RNASEL: variants seen among roughly 807,000 people sequenced by gnomAD.
RNASEL encodes the protein 2-5A-dependent ribonuclease.
In RNASEL, 36 loss-of-function variants were observed where a neutral mutation model predicts 50.9. The ratio of observed to expected loss-of-function variants is 0.71; its 90% CI spans 0.54 to 0.93. The LOEUF (loss-of-function observed/expected upper bound fraction) is 0.93. Among genes scored for constraint, RNASEL ranks in the 40% least tolerant of loss-of-function variants. The pLI is 0.00. For missense variants in RNASEL, 860 were observed against 894.5 expected (o/e 0.96, Z 0.49); for synonymous variants, 335 against 335.6 (o/e 1.00, Z 0.02).
intron 5 of RNASEL, among the ~76,000 whole-genome samples, chr1:182,577,756 A>G (rs889094675): frequency 6.6e-6 from 1 of 152,222 alleles, no homozygotes; most frequent in African/African-American, 2.4e-5. Context: ...TAAGATAACC[A>G]AAACAGCACA....
intron 5 of RNASEL, chr1:182,576,737 G>T (rs1392563290): frequency 4.9e-6 from 1 of 203,272 alleles, no homozygotes; most frequent in East Asian, 1.4e-4. Context: ...GCCAGGCGTG[G>T]TGGCGCTGCC....
Position 182,575,428 on chromosome 1 carries a change from A to G in RNASEL, c.2190T>C (p.Ala730=), listed in dbSNP as rs1405039428. Residue 730 remains alanine (A), a synonymous_variant, in exon 7 of 7, where the codon GCT becomes GCC. Coordinates refer to ENST00000367559, the MANE Select transcript of RNASEL (RefSeq NM_021133.4). ...HSPNKPQCDG[A]GGASGLASPG... ...GGCTGGCCAACCCACTGGCCCCACC[A>G]GCTCCATCACACTGAGGCTTGTTTG... is the stretch of plus-strand genomic sequence containing the variant. 3.7e-6 allele frequency: 6 copies of G among 1,614,198 alleles called. No individual in the cohort carries two copies. In the South Asian group the frequency reaches 6.6e-5, roughly 18 times the overall value.
At chr1:182,578,438 A>C (rs903176428) in intron 5 of RNASEL, 1 of 152,226 alleles carries the variant, frequency 6.6e-6, no homozygotes, top group Non-Finnish European at 1.5e-5. Flanking sequence ...ATATCATCTT[A>C]TACTAGGGGC....
In RNASEL at chr1:182,575,559, C is replaced by G; in HGVS notation, c.2059G>C (p.Asp687His). 1 of 1,614,128 alleles carries G rather than the reference C, an allele frequency of 6.2e-7. No individual in the cohort carries two copies. Among genetic ancestry groups the G allele is most frequent in the Non-Finnish European group, 8.5e-7 (1 of 1,180,028 alleles). ...KHKKMKLKIG[D>H]PSLYFQKTFP... is the part of the protein sequence containing the mutation. The stretch of plus-strand genomic sequence containing the variant: ...GTCTTCTGAAAATACAGGGAAGGGT[C>G]TCCAATTTTTAATTTCATCCTGAAA... The change falls in exon 7 of 7, where the codon GAC becomes CAC. Residue 687 changes from aspartate to histidine, a missense_variant. Asp to His is a moderately conservative substitution (Grantham distance 81, BLOSUM62 -1). Transcript: ENST00000367559.
At chr1:182,581,643 G>A (rs768698270) in intron 4 of RNASEL, among the ~76,000 whole-genome samples, 27 of 151,430 alleles carry the variant, frequency 1.8e-4, no homozygotes, top group Non-Finnish European at 2.9e-4. Flanking sequence ...CACCACACTC[G>A]GCTAACTTTT....
chr1:182,586,596 T>C lies in RNASEL; in HGVS notation c.211A>G (p.Arg71Gly). 6.2e-7 allele frequency: 1 copy of C among 1,606,748 alleles called. No homozygotes were observed. The highest frequency in any genetic ancestry group is 8.5e-7 in the Non-Finnish European group (1 of 1,174,546). The change falls in exon 2 of 7, where the codon AGG becomes GGG. Residue 71 changes from arginine to glycine, a missense_variant. By Grantham distance (125) the Arg-to-Gly change is moderately radical (BLOSUM62 -2). Transcript: ENST00000367559. ...TPLHNAVQMSREDIVELLLRH... is the reference protein window; with the variant it reads ...TPLHNAVQMSGEDIVELLLRH... Reference sequence around the variant, plus strand: ...AGCAGAAGTTCCACAATGTCCTCCCTGCTCATTTGTACTGCGTTATGCAGA... The same window carrying C: ...AGCAGAAGTTCCACAATGTCCTCCCCGCTCATTTGTACTGCGTTATGCAGA...
At chr1:182,579,340 CATAGATGGCTCTCATA>C (rs1661448273) in intron 5 of RNASEL, 1 of 988,930 alleles carries the variant, frequency 1.0e-6, no homozygotes, top group African/African-American at 1.8e-5. Context: ...GATACAGAGC[CATAGATGGCTCTCATA>C]TTTAGAAAGA....
Position 182,582,237 on chromosome 1 carries a change from A to G in RNASEL, c.1588T>C (p.Tyr530His). 6.2e-7 allele frequency: 1 copy of G among 1,614,168 alleles called. No individual in the cohort carries two copies. Among genetic ancestry groups the G allele is most frequent in the Non-Finnish European group, 8.5e-7 (1 of 1,180,002 alleles). Reference sequence around the variant, plus strand: ...GAGATGCTTCCCTTCTTTACCACATAGAGGACCAGCCGTCCAAGGTCCTGC... The same window carrying G: ...GAGATGCTTCCCTTCTTTACCACATGGAGGACCAGCCGTCCAAGGTCCTGC... ...DLEDLGRLVL[Y>H]VVKKGSISFE... The change falls in exon 4 of 7, where the codon TAT becomes CAT. Residue 530 changes from tyrosine (Y) to histidine (H), a missense_variant. Tyr to His is a moderately conservative substitution (Grantham distance 83). Transcript: ENST00000367559.
At position 182,585,466 on chromosome 1, in the gene RNASEL, C is replaced by T. The variant is rs1661574270; in HGVS notation, c.1341G>A (p.Val447=). 1 of 1,614,056 alleles carries T rather than the reference C, an allele frequency of 6.2e-7. No individual in the cohort carries two copies. The highest frequency in any genetic ancestry group is 1.3e-5 in the African/African-American group (1 of 74,928). The change falls in exon 2 of 7, where the codon GTG becomes GTA. Residue 447 remains valine, a synonymous_variant. Transcript: ENST00000367559. ...CEQTLEACLD[V]HRGEDVENEE... is the part of the protein sequence containing the mutation. The stretch of plus-strand genomic sequence containing the variant: ...CATTTTCCACATCTTCCCCTCTGTG[C>T]ACATCCAAACACGCTTCCAGAGTCT...
rs777270662 is a variant in RNASEL at position 182,585,478 on chromosome 1, C to T, written c.1329G>A (p.Ala443=). Reference sequence around the variant, plus strand: ...CTTCCCCTCTGTGCACATCCAAACACGCTTCCAGAGTCTGCTCACAGAGGG... The same window carrying T: ...CTTCCCCTCTGTGCACATCCAAACATGCTTCCAGAGTCTGCTCACAGAGGG... ...CVTLCEQTLE[A]CLDVHRGEDV... Residue 443 remains alanine (A), a synonymous_variant, in exon 2 of 7, where the codon GCG becomes GCA. Coordinates refer to ENST00000367559, the MANE Select transcript of RNASEL (RefSeq NM_021133.4). 5.0e-5 allele frequency: 81 copies of T among 1,614,188 alleles called. No individual in the cohort carries two copies. Among genetic ancestry groups the T allele is most frequent in the Non-Finnish European group, 6.3e-5 (74 of 1,180,034 alleles).
At chr1:182,575,995 G>A (rs1375741093) in intron 6 of RNASEL, among the ~76,000 whole-genome samples, 2 of 152,184 alleles carry the variant, frequency 1.3e-5, no homozygotes, top group Non-Finnish European at 2.9e-5. Context: ...TTACTTCACA[G>A]AAGGGAGTCA....
intron 2 of RNASEL, among the ~76,000 whole-genome samples, chr1:182,584,525 T>C (rs1316951954): frequency 6.6e-6 from 1 of 152,226 alleles, no homozygotes; most frequent in African/African-American, 2.4e-5. Context: ...AGTGCATGTC[T>C]ATGGATAAGG....
chr1:182,584,380 T>TA (rs577003184), intron 2 of RNASEL, among the ~76,000 whole-genome samples: 96 of 152,264 alleles, frequency 6.3e-4, no homozygotes, highest in Middle Eastern at 3.4e-3. Context: ...GAGCAGCACT[T>TA]ACATTTTATT....
chr1:182,585,723 T>G lies in RNASEL; in HGVS notation c.1084A>C (p.Lys362Gln). ...TTGTATTTTTCATCAATAAAGAACT[T>G]GAGTTTGCCAATCATAGGGCGGTAT... Reference protein sequence around the residue: ...RIYRPMIGKLKFFIDEKYKIA... With the variant: ...RIYRPMIGKLQFFIDEKYKIA... The change falls in exon 2 of 7, where the codon AAG (lysine) becomes CAG (glutamine). Residue 362 changes from lysine to glutamine, a missense_variant. By Grantham distance (53) the Lys-to-Gln change is moderately conservative (BLOSUM62 1). Coordinates refer to ENST00000367559, the MANE Select transcript of RNASEL (RefSeq NM_021133.4). 1.9e-6 allele frequency: 3 copies of G among 1,614,126 alleles called. No homozygotes were observed. The highest frequency in any genetic ancestry group is 2.5e-6 in the Non-Finnish European group (3 of 1,180,034).
chr1:182,582,053 C>T lies in RNASEL; in HGVS notation c.1772G>A (p.Ser591Asn), dbSNP rs539968580. 1.2e-6 allele frequency: 2 copies of T among 1,614,042 alleles called. No homozygotes were observed. The highest frequency in any genetic ancestry group is 2.2e-5 in the East Asian group (1 of 44,888). ...GGCATCTGCACAAAGTTTTACTTAC[C>T]TCTCCCAAGTCCAAAAGAAGGGATG... ...LGHPFFWTWESRYRTLRNVGN... is the reference protein window; with the variant it reads ...LGHPFFWTWENRYRTLRNVGN... The change falls in exon 4 of 7, where the codon AGC (serine) becomes AAC (asparagine). Residue 591 changes from serine to asparagine, a missense_variant and splice_region_variant. Transcript: ENST00000367559.
chr1:182,577,220 T>TAA (rs1661406866), intron 5 of RNASEL, among the ~76,000 whole-genome samples: 1 of 151,956 alleles, frequency 6.6e-6, no homozygotes, highest in African/African-American at 2.4e-5. Flanking sequence ...ACTATATATA[T>TAA]AATTGTGTCT....
At chr1:182,582,506 G>A (rs1169701255) in intron 3 of RNASEL, among the ~76,000 whole-genome samples, 1 of 152,234 alleles carries the variant, frequency 6.6e-6, no homozygotes, top group Non-Finnish European at 1.5e-5. Flanking sequence ...AGACTGCTTG[G>A]AGGAAGAGAG....
At chr1:182,579,550 T>A (rs957677771) in intron 5 of RNASEL, 21 of 1,134,304 alleles carry the variant, frequency 1.9e-5, no homozygotes, top group Non-Finnish European at 2.2e-5. Context: ...CAAGAACCAA[T>A]ACAGTCATAC....
Position 182,573,860 on chromosome 1 carries a change from C to A in RNASEL, c.*1532G>T. ...CTAGATACCTCCTTTTCAGAAAGAA[C>A]CTAAGGTACTGTTTTATTCCCATTA... On this transcript the variant is annotated 3_prime_UTR_variant, in exon 7 of 7. Coordinates refer to ENST00000367559, the MANE Select transcript of RNASEL (RefSeq NM_021133.4). 1 of 193,586 alleles carries A rather than the reference C, an allele frequency of 5.2e-6. No individual in the cohort carries two copies. Among genetic ancestry groups the A allele is most frequent in the East Asian group, 8.2e-5 (1 of 12,164 alleles). The allele number at this position is 193,586 out of a possible 1,614,324, so 12.0% of individuals were successfully genotyped here.
Sources: allele counts gnomAD v4.1 joint callset (sites outside exome capture counted in the v4.1 genomes callset), GRCh38; gene constraint gnomAD v4.1.1; transcripts MANE v1.5; gene names NCBI Gene and HGNC (gene_info 2026-07-23, HGNC 2026-07-21).